Variants in KHDRBS2 observed in about 807,000 individuals in gnomAD.
KHDRBS2 encodes the protein KH domain-containing, RNA-binding, signal transduction-associated protein 2.
A neutral mutation model predicts 44.3 loss-of-function variants in KHDRBS2; 26 were observed. The observed-to-expected ratio is 0.59, with a 90% CI of 0.43 to 0.81. The LOEUF (loss-of-function observed/expected upper bound fraction) is 0.81, where lower values mean the gene tolerates loss of function less well. KHDRBS2 is among the 40% of genes least tolerant of loss of function. The pLI is 0.00. For missense variants in KHDRBS2, 476 were observed against 433.1 expected (o/e 1.10, Z -0.88); for synonymous variants, 194 against 151.1 (o/e 1.28, Z -2.08).
chr6:61,851,485 T>C (rs749274002), intron 6 of KHDRBS2, among the ~76,000 whole-genome samples: 4 of 152,040 alleles, frequency 2.6e-5, no homozygotes, highest in Admixed American at 1.3e-4. Flanking sequence ...TAAGGTAACA[T>C]GAGGTCATAT....
the KHDRBS2 span, among the ~76,000 whole-genome samples, chr6:61,633,044 C>T: frequency 6.6e-6 from 1 of 152,148 alleles, no homozygotes; most frequent in East Asian, 1.9e-4. Flanking sequence ...AAACAGAACT[C>T]CACAAAGGCT....
At chr6:61,633,741 C>T in the KHDRBS2 span, among the ~76,000 whole-genome samples, 1 of 151,888 alleles carries the variant, frequency 6.6e-6, no homozygotes, top group African/African-American at 2.4e-5. Flanking sequence ...CAAACAAACA[C>T]TGGAGCCCAA....
chr6:62,065,930 C>A (rs931787093), intron 2 of KHDRBS2, among the ~76,000 whole-genome samples: 3 of 151,594 alleles, frequency 2.0e-5, no homozygotes, highest in Non-Finnish European at 2.9e-5. Context: ...ATTTACTATG[C>A]TTCTGCATTG....
At chr6:61,565,868 C>A in the KHDRBS2 span, among the ~76,000 whole-genome samples, 2 of 151,980 alleles carry the variant, frequency 1.3e-5, no homozygotes, top group Non-Finnish European at 2.9e-5. Flanking sequence ...GGGTATATAT[C>A]CAAAAGCAAG....
chr6:62,112,757 A>G (rs1057488519), intron 2 of KHDRBS2, among the ~76,000 whole-genome samples: 1 of 152,176 alleles, frequency 6.6e-6, no homozygotes, highest in African/African-American at 2.4e-5. Context: ...ACTGTCCAAC[A>G]AAGTGTTCAG....
Position 61,937,658 on chromosome 6 carries a change from C to T in KHDRBS2, c.484-36287G>A, listed in dbSNP as rs554301988. Among the ~76,000 whole-genome samples the T allele has an allele frequency of 5.2e-4, 79 of 152,152 alleles. 1 individual carries two copies. The South Asian group carries it at 0.015, about 29-fold the overall frequency. On this transcript the variant is annotated intron_variant, in intron 4 of 8. Transcript: ENST00000281156. ...TTTCATTTGACTCTGTACTTACAGC[C>T]TTGCGCCAGCAGGCTGAAGTTTTTC...
chr6:62,048,708 G>A (rs1490926522), intron 2 of KHDRBS2, among the ~76,000 whole-genome samples: 1 of 151,794 alleles, frequency 6.6e-6, no homozygotes, highest in African/African-American at 2.4e-5. Flanking sequence ...TAATCATCTT[G>A]AAACATAAAT....
chr6:61,542,868 C>T, the KHDRBS2 span, among the ~76,000 whole-genome samples: 1 of 151,950 alleles, frequency 6.6e-6, no homozygotes, highest in African/African-American at 2.4e-5. Context: ...TTTGGCCCTG[C>T]TGGAAACAGA....
At chr6:61,653,613 C>CAGAG in the KHDRBS2 span, among the ~76,000 whole-genome samples, 6 of 148,844 alleles carry the variant, frequency 4.0e-5, no homozygotes, top group South Asian at 2.1e-4. Flanking sequence ...AACTGAGAGA[C>CAGAG]AGAGAGAGAG....
At chr6:61,944,256 C>G (rs1812752253) in intron 4 of KHDRBS2, among the ~76,000 whole-genome samples, 4 of 152,072 alleles carry the variant, frequency 2.6e-5, no homozygotes, top group Admixed American at 2.0e-4. Context: ...TGAAATCAAC[C>G]TAAGTGTCCA....
chr6:61,609,790 CAGTGAGAGGGG>C, the KHDRBS2 span, among the ~76,000 whole-genome samples: 1 of 152,150 alleles, frequency 6.6e-6, no homozygotes, highest in Admixed American at 6.5e-5. Context: ...TCAATTCTAG[CAGTGAGAGGGG>C]AGTGAATATG....
the KHDRBS2 span, among the ~76,000 whole-genome samples, chr6:61,639,111 G>T: frequency 1.3e-5 from 2 of 152,054 alleles, no homozygotes; most frequent in Non-Finnish European, 2.9e-5. Flanking sequence ...AGTTTTTTAA[G>T]TTCCCTTATG....
At chr6:62,247,519 C>T (rs1272038849) in intron 1 of KHDRBS2, among the ~76,000 whole-genome samples, 1 of 151,948 alleles carries the variant, frequency 6.6e-6, no homozygotes, top group Non-Finnish European at 1.5e-5. Flanking sequence ...AAACCAACTA[C>T]ACTAAATATT....
At chr6:61,568,516 A>T in the KHDRBS2 span, among the ~76,000 whole-genome samples, 1 of 152,200 alleles carries the variant, frequency 6.6e-6, no homozygotes, top group Non-Finnish European at 1.5e-5. Context: ...ACATACCAAG[A>T]AAACAGAAAA....
the KHDRBS2 span, among the ~76,000 whole-genome samples, chr6:61,549,768 A>T: frequency 6.6e-6 from 1 of 152,192 alleles, no homozygotes; most frequent in Non-Finnish European, 1.5e-5. Flanking sequence ...TTCTGATTCT[A>T]CACAAAAATT....
chr6:62,044,198 C>T (rs1787170654), intron 3 of KHDRBS2, among the ~76,000 whole-genome samples: 1 of 151,996 alleles, frequency 6.6e-6, no homozygotes, highest in Non-Finnish European at 1.5e-5. Flanking sequence ...CTCACAGTGG[C>T]TCACATCTAT....
chr6:61,757,201 A>G (rs1301314023), intron 6 of KHDRBS2, among the ~76,000 whole-genome samples: 1 of 152,088 alleles, frequency 6.6e-6, no homozygotes, highest in Non-Finnish European at 1.5e-5. Flanking sequence ...GTATTGTTCA[A>G]GTTTTCCATA....
At chr6:62,040,953 CA>C (rs1786353093) in intron 3 of KHDRBS2, among the ~76,000 whole-genome samples, 1 of 152,042 alleles carries the variant, frequency 6.6e-6, no homozygotes, top group Admixed American at 6.6e-5. Flanking sequence ...TTAAAAGTTC[CA>C]CAGAATGTGA....
chr6:62,187,281 G>T lies in KHDRBS2; in HGVS notation c.92-9969C>A, dbSNP rs748504680. ...CAATTGTACAGCAAGGAAAGTAAGAGATTTGAATAATAAAGCCCAGGTTCT... is the reference window on the plus strand; with the variant it reads ...CAATTGTACAGCAAGGAAAGTAAGATATTTGAATAATAAAGCCCAGGTTCT... On this transcript the variant is annotated intron_variant, in intron 1 of 8. Transcript: ENST00000281156. Among the ~76,000 whole-genome samples the T allele has an allele frequency of 6.6e-5, 10 of 152,104 alleles. 1 individual carries two copies. Among genetic ancestry groups the T allele is most frequent in the Admixed American group, 5.2e-4 (8 of 15,256 alleles).
Sources: gnomAD v4.1 joint callset for allele counts (sites outside exome capture counted in the v4.1 genomes callset) on GRCh38, gnomAD v4.1.1 for gene constraint, MANE v1.5 for transcripts, NCBI Gene and HGNC (gene_info 2026-07-23, HGNC 2026-07-21) for gene names.